The following CD5 variants were observed in gnomAD, a reference collection of about 807,000 sequenced individuals.
CD5 encodes the protein T-cell surface glycoprotein CD5.
CD5 carries 36 observed loss-of-function variants against 60.3 expected under a neutral mutation model. The ratio of observed to expected loss-of-function variants is 0.60; its 90% confidence interval spans 0.46 to 0.79. The LOEUF (loss-of-function observed/expected upper bound fraction) is 0.79. Among genes scored for constraint, CD5 ranks in the 30% least tolerant of loss-of-function variants. The pLI, the probability that CD5 is intolerant of heterozygous loss-of-function variation, is 0.00. For synonymous variants in CD5, 230 were observed against 257.6 expected, an observed-to-expected ratio of 0.89 and a Z score of 1.03; for missense variants, 540 against 630.6, an observed-to-expected ratio of 0.86 and a Z score of 1.54.
At chr11:61,105,840 A>G (rs2134593344) in intron 1 of CD5, among the ~76,000 whole-genome samples, 1 of 152,278 alleles carries the variant, frequency 6.6e-6, no homozygotes, top group South Asian at 2.1e-4. Flanking sequence ...AACAAGCACC[A>G]AAGACCGGGC....
At chr11:61,095,874 C>G in the CD5 span, among the ~76,000 whole-genome samples, 1 of 152,202 alleles carries the variant, frequency 6.6e-6, no homozygotes, top group Non-Finnish European at 1.5e-5. Flanking sequence ...TGAGAATCAG[C>G]CCATGATTAA....
At position 61,124,930 on chromosome 11, in the gene CD5, C is replaced by A. The variant is rs1032589339; in HGVS notation, c.1280-102C>A. On this transcript the variant is annotated intron_variant, in intron 8 of 10. Coordinates refer to ENST00000347785, the MANE Select transcript of CD5 (RefSeq NM_014207.4). ...TGTGGGTGCCTTTGTCCTCTCCCCG[C>A]TAACATCATGGGAATAGGAGATTAA... 2.2e-5 allele frequency: 32 copies of A among 1,446,616 alleles called. No individual in the cohort carries two copies. The African/African-American group carries it at 2.4e-4, about 11-fold the overall frequency. 89.6% of individuals were successfully genotyped at this position (1,446,616 alleles called of 1,614,324 possible). A position where few individuals can be genotyped will look rare whatever the true frequency, so the allele number is the denominator to read the frequency against.
At chr11:61,109,870 C>A (rs1480659270) in intron 1 of CD5, among the ~76,000 whole-genome samples, 1 of 152,154 alleles carries the variant, frequency 6.6e-6, no homozygotes, top group Non-Finnish European at 1.5e-5. Flanking sequence ...GAATTCTCAT[C>A]CGTAGCCCCA....
upstream of CD5, chr11:61,102,466 CCG>C: frequency 1.2e-6 from 1 of 844,590 alleles, no homozygotes; most frequent in Non-Finnish European, 1.9e-6. Context: ...GCACGCCACC[CCG>C]CCCTCTCCCT....
intron 5 of CD5, among the ~76,000 whole-genome samples, chr11:61,119,790 A>G (rs1456034201): frequency 1.3e-5 from 2 of 152,106 alleles, no homozygotes; most frequent in African/African-American, 4.8e-5. Context: ...GCAAAGCTAC[A>G]CACCCCAAGC....
chr11:61,116,560 A>C (rs1422426221), intron 2 of CD5, among the ~76,000 whole-genome samples: 1 of 102,884 alleles, frequency 9.7e-6, no homozygotes, highest in African/African-American at 3.9e-5. Flanking sequence ...CACCACACAC[A>C]CCACACACAC....
intron 1 of CD5, 100 bp downstream of exon 1, chr11:61,102,715 T>G (rs1860715808): frequency 3.8e-6 from 4 of 1,054,410 alleles, no homozygotes; most frequent in Middle Eastern, 4.1e-4. Flanking sequence ...GATCCACATG[T>G]CAGCCCTCTG....
chr11:61,125,333 C>T (rs942837939), intron 9 of CD5, among the ~76,000 whole-genome samples, 182 bp downstream of exon 9: 2 of 152,202 alleles, frequency 1.3e-5, no homozygotes, highest in Non-Finnish European at 2.9e-5. Flanking sequence ...CCTTTGCAGG[C>T]CCCAGCTGTC....
the CD5 span, among the ~76,000 whole-genome samples, chr11:61,096,365 G>C: frequency 6.6e-6 from 1 of 152,246 alleles, no homozygotes; most frequent in Non-Finnish European, 1.5e-5. Context: ...CCCCCAAGGA[G>C]CCCAAGGTCA....
At chr11:61,095,683 T>C in the CD5 span, among the ~76,000 whole-genome samples, 2 of 151,566 alleles carry the variant, frequency 1.3e-5, no homozygotes, top group African/African-American at 4.9e-5. Flanking sequence ...GGACCAGACA[T>C]GGAGAGGCTA....
upstream of CD5, among the ~76,000 whole-genome samples, chr11:61,098,333 G>A (rs1468636276): frequency 6.6e-6 from 1 of 152,192 alleles, no homozygotes; most frequent in Non-Finnish European, 1.5e-5. Flanking sequence ...AAGAAGACAT[G>A]GTAGTGAAAA....
chr11:61,106,124 CAAA>C (rs36003583), intron 1 of CD5, among the ~76,000 whole-genome samples: 2 of 81,880 alleles, frequency 2.4e-5, no homozygotes, highest in African/African-American at 4.6e-5. Flanking sequence ...GACTCCATCT[CAAA>C]AAAAAAAAAA....
At chr11:61,103,544 G>A (rs1860731119) in intron 1 of CD5, among the ~76,000 whole-genome samples, 1 of 147,434 alleles carries the variant, frequency 6.8e-6, no homozygotes, top group Non-Finnish European at 1.5e-5. Context: ...GGGAATGCAT[G>A]TGTGTGTGTC....
At position 61,118,381 on chromosome 11, in the gene CD5, C is replaced by T. The variant is rs759135823; in HGVS notation, c.301C>T (p.Pro101Ser). 5.6e-6 allele frequency: 9 copies of T among 1,614,118 alleles called. No individual in the cohort carries two copies. In the African/African-American group the frequency reaches 8.0e-5, roughly 14 times the overall value. ...TGGCCCCTTCCTTGTCACCTACACA[C>T]CTCAGAGCTCAATCATCTGCTACGG... is the stretch of plus-strand genomic sequence containing the variant. ...SLGPFLVTYTPQSSIICYGQL... is the reference protein window; with the variant it reads ...SLGPFLVTYTSQSSIICYGQL... Residue 101 changes from proline to serine, a missense_variant, in exon 3 of 11, where the codon CCT (proline) becomes TCT (serine). Physicochemically the swap from Pro to Ser is moderately conservative, Grantham distance 74 (BLOSUM62 -1). Transcript: ENST00000347785. The surrounding 1 kb of genome is among the most constrained non-coding windows in gnomAD (Gnocchi z 4.7).
chr11:61,113,756 C>T (rs1001121609), intron 1 of CD5, among the ~76,000 whole-genome samples: 1 of 152,118 alleles, frequency 6.6e-6, no homozygotes, highest in Non-Finnish European at 1.5e-5. Flanking sequence ...GCAGCCTCCA[C>T]CTCCCAGGTT....
chr11:61,109,771 C>A (rs1281762351), intron 1 of CD5, among the ~76,000 whole-genome samples: 1 of 152,106 alleles, frequency 6.6e-6, no homozygotes, highest in Non-Finnish European at 1.5e-5. Flanking sequence ...CTTCTTTAGC[C>A]CTGAATTTTG....
At position 61,118,758 on chromosome 11, in the gene CD5, C is replaced by T. The variant is rs1001470196; in HGVS notation, c.401-157C>T. Among the ~76,000 whole-genome samples the T allele has an allele frequency of 2.6e-5, 4 of 152,208 alleles. No individual in the cohort carries two copies. Among genetic ancestry groups the T allele is most frequent in the African/African-American group, 9.7e-5 (4 of 41,450 alleles). Reference sequence around the variant, plus strand: ...ATCTGTGAAGTGGGGTGGTACTTCCCGCCTCGCAGGAGGCTTAGAGACAAC... The same window carrying T: ...ATCTGTGAAGTGGGGTGGTACTTCCTGCCTCGCAGGAGGCTTAGAGACAAC... On this transcript the variant is annotated intron_variant, in intron 3 of 10. Coordinates refer to ENST00000347785, the MANE Select transcript of CD5 (RefSeq NM_014207.4). This position sits in a 1 kb window ranked among gnomAD's most constrained non-coding sequence, Gnocchi z 4.7.
intron 6 of CD5, among the ~76,000 whole-genome samples, chr11:61,122,312 G>GTGGATGAA (rs1861074995): frequency 2.0e-5 from 1 of 50,554 alleles, no homozygotes; most frequent in Admixed American, 2.2e-4. Flanking sequence ...GGGTGGGTGG[G>GTGGATGAA]TGGATGGATG....
chr11:61,100,884 A>G (rs1860667732), upstream of CD5, among the ~76,000 whole-genome samples: 1 of 145,792 alleles, frequency 6.9e-6, no homozygotes, highest in South Asian at 2.3e-4. Context: ...TCACACACAC[A>G]TCAACATGGA....
Sources: allele counts gnomAD v4.1 joint callset (sites outside exome capture counted in the v4.1 genomes callset), GRCh38; gene constraint gnomAD v4.1.1; non-coding constraint Gnocchi (gnomAD v3.1); transcripts MANE v1.5; gene names NCBI Gene and HGNC (gene_info 2026-07-23, HGNC 2026-07-21).